Variants in LPP observed in about 807,000 individuals in gnomAD.
LPP encodes the protein LIM domain containing preferred translocation partner in lipoma.
LPP carries 38 observed loss-of-function variants against 60.4 expected under a neutral mutation model. That is an observed-to-expected ratio of 0.63 (90% CI 0.49 to 0.83). The LOEUF (loss-of-function observed/expected upper bound fraction) is 0.83, where lower values mean the gene tolerates loss of function less well. Ranked by LOEUF, LPP falls within the 40% of genes least tolerant of loss-of-function variation. The pLI, the probability that LPP is intolerant of heterozygous loss-of-function variation, is 0.00. For missense variants in LPP, 902 were observed against 783.6 expected, an observed-to-expected ratio of 1.15 and a Z score of -1.80; for synonymous variants, 328 against 290.8, an observed-to-expected ratio of 1.13 and a Z score of -1.30.
intron 2 of LPP, among the ~76,000 whole-genome samples, chr3:188,282,751 C>T (rs1301254140): frequency 1.3e-5 from 2 of 152,172 alleles, no homozygotes; most frequent in African/African-American, 4.8e-5. Context: ...GCTCAAATTC[C>T]ACCTTCTCAG....
chr3:188,839,539 G>A (rs932362632), intron 9 of LPP, among the ~76,000 whole-genome samples: 4 of 152,094 alleles, frequency 2.6e-5, no homozygotes, highest in African/African-American at 4.8e-5. Context: ...GCGCAGGGAC[G>A]GACCATTGGA....
intron 9 of LPP, among the ~76,000 whole-genome samples, chr3:188,778,870 G>T (rs981219126): frequency 6.6e-6 from 1 of 152,208 alleles, no homozygotes; most frequent in Non-Finnish European, 1.5e-5. Flanking sequence ...AACAGCTCTA[G>T]TTTATCCACC....
rs1393246853 is a variant in LPP, at chr3:188,638,132, C to T, written c.1113+28288C>T. On this transcript the variant is annotated intron_variant, in intron 7 of 11. Coordinates refer to ENST00000617246, the MANE Select transcript of LPP (RefSeq NM_001375462.1). ...AATCCTCAATAAAATACTGGCAAAA[C>T]GAATCCAGCAGCACATCAAAAAACT... 1.7e-4 allele frequency among the ~76,000 whole-genome samples: 24 copies of T among 139,040 alleles called. 1 individual carries two copies. The highest frequency in any genetic ancestry group is 3.0e-4 in the Non-Finnish European group (19 of 63,504). The allele number at this position is 139,040 out of a possible 152,430, so 91.2% of individuals were successfully genotyped here.
chr3:188,159,366 G>A (rs73055673), intron 1 of LPP, among the ~76,000 whole-genome samples: 1,944 of 152,274 alleles, frequency 0.013, 40 homozygotes, highest in African/African-American at 0.045. Flanking sequence ...TTAATAATCT[G>A]TTTATTGTGT....
intron 3 of LPP, among the ~76,000 whole-genome samples, chr3:188,355,228 C>T (rs974914745): frequency 6.6e-6 from 1 of 152,100 alleles, no homozygotes; most frequent in Non-Finnish European, 1.5e-5. Context: ...ATGCTGGTCT[C>T]GAACTCCTGA....
At chr3:188,490,602 G>C (rs1050172694) in intron 5 of LPP, among the ~76,000 whole-genome samples, 2 of 151,890 alleles carry the variant, frequency 1.3e-5, no homozygotes, top group Non-Finnish European at 2.9e-5. Context: ...GACTTCGGGT[G>C]ATCCGCCCAC....
chr3:188,785,722 C>A (rs890395210), intron 9 of LPP, among the ~76,000 whole-genome samples: 1 of 151,416 alleles, frequency 6.6e-6, no homozygotes, highest in Admixed American at 6.6e-5. Flanking sequence ...GGGTAGATAC[C>A]CAGTAGTGGG....
chr3:188,804,672 T>C (rs184044383), intron 9 of LPP, among the ~76,000 whole-genome samples: 26 of 152,182 alleles, frequency 1.7e-4, no homozygotes, highest in Admixed American at 1.6e-3. Context: ...ATTTCATTAT[T>C]TGAAGTCATG....
At chr3:188,560,384 A>G (rs957287041) in intron 6 of LPP, among the ~76,000 whole-genome samples, 1 of 152,100 alleles carries the variant, frequency 6.6e-6, no homozygotes, top group Admixed American at 6.6e-5. Flanking sequence ...CTCAACAACC[A>G]TTCAGCAGCA....
intron 4 of LPP, among the ~76,000 whole-genome samples, chr3:188,448,464 A>G (rs755927922): frequency 6.6e-6 from 1 of 151,674 alleles, no homozygotes; most frequent in African/African-American, 2.4e-5. Context: ...TTAGATAAAG[A>G]TCTATATTTA....
chr3:188,533,303 C>T (rs1238104060), intron 6 of LPP, among the ~76,000 whole-genome samples: 1 of 152,158 alleles, frequency 6.6e-6, no homozygotes, highest in Non-Finnish European at 1.5e-5. Flanking sequence ...GCAAGTCAAA[C>T]ATGTAGGCTA....
chr3:188,353,078 G>A (rs539968570), intron 3 of LPP, among the ~76,000 whole-genome samples: 15 of 152,128 alleles, frequency 9.9e-5, no homozygotes, highest in Non-Finnish European at 2.1e-4. Flanking sequence ...CACAAGAGCC[G>A]TTCATTGTCA....
intron 5 of LPP, among the ~76,000 whole-genome samples, chr3:188,520,578 C>T (rs1195895691): frequency 2.6e-5 from 4 of 152,172 alleles, no homozygotes; most frequent in Non-Finnish European, 5.9e-5. Context: ...CTCAGCCAAA[C>T]CATATCTCCT....
At chr3:188,238,530 C>T (rs1207198990) in intron 2 of LPP, among the ~76,000 whole-genome samples, 2 of 152,080 alleles carry the variant, frequency 1.3e-5, no homozygotes, top group Non-Finnish European at 2.9e-5. Flanking sequence ...CACTTGAACA[C>T]TTCGAAACCA....
rs1234121644 is a variant in LPP at position 188,880,143 on chromosome 3, G to C, written c.*5664G>C. ...CCTCCCAGGTTCACGCCATTCTCCT[G>C]TCTCAGCCTCCCGAGTAGCTGGGAC... On this transcript the variant is annotated 3_prime_UTR_variant, in exon 12 of 12. Coordinates refer to ENST00000617246, the MANE Select transcript of LPP (RefSeq NM_001375462.1). 3 of 160,110 alleles carry C rather than the reference G, an allele frequency of 1.9e-5. No homozygotes were observed. Among genetic ancestry groups the C allele is most frequent in the African/African-American group, 7.3e-5 (3 of 40,828 alleles). 9.9% of individuals were successfully genotyped at this position (160,110 alleles called of 1,614,324 possible). A position where few individuals can be genotyped will look rare whatever the true frequency, so the allele number is the denominator to read the frequency against.
intron 2 of LPP, among the ~76,000 whole-genome samples, chr3:188,279,747 A>AT: frequency 6.6e-6 from 1 of 152,310 alleles, no homozygotes; most frequent in African/African-American, 2.4e-5. Context: ...TAGTTGTCAG[A>AT]TTTTAGGGCT....
intron 6 of LPP, among the ~76,000 whole-genome samples, chr3:188,579,664 TTA>T (rs1472231900): frequency 1.3e-5 from 2 of 150,116 alleles, no homozygotes; most frequent in African/African-American, 5.0e-5. Context: ...TTTTTTTTTT[TTA>T]AACCCCAGTG....
At chr3:188,153,515 C>T (rs1165350420), upstream of LPP, 1 of 152,418 alleles carries the variant, frequency 6.6e-6, no homozygotes, top group East Asian at 1.9e-4. Flanking sequence ...CCAGGAGCCC[C>T]CTGACGCGGC....
chr3:188,370,329 C>T (rs187869316), intron 3 of LPP, among the ~76,000 whole-genome samples: 1 of 152,132 alleles, frequency 6.6e-6, no homozygotes, highest in Non-Finnish European at 1.5e-5. Flanking sequence ...GGCTGCACCG[C>T]CTACAAGTGG....
Sources: gnomAD v4.1 joint callset for allele counts (sites outside exome capture counted in the v4.1 genomes callset) on GRCh38, gnomAD v4.1.1 for gene constraint, MANE v1.5 for transcripts, NCBI Gene and HGNC (gene_info 2026-07-23, HGNC 2026-07-21) for gene names.